Variants in SLC16A7 observed in about 807,000 individuals in gnomAD.
SLC16A7 encodes the protein solute carrier family 16 member 7, also known as monocarboxylate transporter 2.
SLC16A7 carries 33 observed loss-of-function variants against 34.9 expected under a neutral mutation model. That is an observed-to-expected ratio of 0.94 (90% CI 0.72 to 1.26). SLC16A7 has a LOEUF of 1.26. Ranked by LOEUF, SLC16A7 falls within the 50% of genes most tolerant of loss-of-function variation. The pLI, the probability that SLC16A7 is intolerant of heterozygous loss-of-function variation, is 0.00. For missense variants in SLC16A7, 573 were observed against 578.1 expected (o/e 0.99, Z 0.09); for synonymous variants, 201 against 206.6 (o/e 0.97, Z 0.23).
chr12:59,726,714 G>C (rs1407616710), intron 3 of SLC16A7, among the ~76,000 whole-genome samples: 3 of 152,116 alleles, frequency 2.0e-5, no homozygotes, highest in Non-Finnish European at 4.4e-5. Flanking sequence ...GGCTGTCAGA[G>C]ATGCTGGCTG....
chr12:59,709,073 A>T (rs900588053), intron 3 of SLC16A7, among the ~76,000 whole-genome samples: 1 of 151,680 alleles, frequency 6.6e-6, no homozygotes, highest in African/African-American at 2.4e-5. Flanking sequence ...TTTTGTAAAT[A>T]GTGATTACAT....
At chr12:59,698,378 A>G (rs532343254) in intron 2 of SLC16A7, among the ~76,000 whole-genome samples, 41 of 151,902 alleles carry the variant, frequency 2.7e-4, no homozygotes, top group African/African-American at 9.1e-4. Flanking sequence ...CATTGAATAT[A>G]CATATATACA....
chr12:59,697,423 G>T (rs1214422088), intron 2 of SLC16A7, among the ~76,000 whole-genome samples: 2 of 151,954 alleles, frequency 1.3e-5, no homozygotes, highest in African/African-American at 4.8e-5. Flanking sequence ...GTGAGTTTGA[G>T]ATAGAAAAAT....
chr12:59,688,945 T>A (rs1189114133), intron 2 of SLC16A7, among the ~76,000 whole-genome samples: 1 of 151,974 alleles, frequency 6.6e-6, no homozygotes, highest in Non-Finnish European at 1.5e-5. Flanking sequence ...GCCATTATAG[T>A]GGTATTATAT....
chr12:59,692,724 G>A (rs553668523), intron 2 of SLC16A7, among the ~76,000 whole-genome samples: 5 of 151,970 alleles, frequency 3.3e-5, no homozygotes, highest in South Asian at 2.1e-4. Flanking sequence ...TTTAACCACC[G>A]CAATAGTGTA....
chr12:59,674,998 T>G (rs1454946414), intron 2 of SLC16A7, among the ~76,000 whole-genome samples: 1 of 152,132 alleles, frequency 6.6e-6, no homozygotes, highest in Non-Finnish European at 1.5e-5. Flanking sequence ...AGCTCTCAGG[T>G]CATCTTACCC....
intron 2 of SLC16A7, among the ~76,000 whole-genome samples, chr12:59,704,432 G>A (rs957503882): frequency 6.6e-6 from 1 of 152,038 alleles, no homozygotes; most frequent in South Asian, 2.1e-4. Flanking sequence ...GGTGATTGAA[G>A]TAGAATATGT....
chr12:59,769,969 C>T (rs1390096763), intron 3 of SLC16A7, among the ~76,000 whole-genome samples: 2 of 151,868 alleles, frequency 1.3e-5, no homozygotes, highest in Admixed American at 6.6e-5. Flanking sequence ...TGACAAGTCC[C>T]ATAAAGTACT....
Position 59,789,294 on chromosome 12 carries a change from AAAGT to A in SLC16A7, c.*9619_*9622del, listed in dbSNP as rs1337418806. 3 of 152,162 alleles carry A rather than the reference AAAGT, an allele frequency of 2.0e-5. No individual in the cohort carries two copies. The highest frequency in any genetic ancestry group is 7.2e-5 in the African/African-American group (3 of 41,470). 9.4% of individuals were successfully genotyped at this position (152,162 alleles called of 1,614,324 possible). On this transcript the variant is annotated 3_prime_UTR_variant, in exon 6 of 6. Transcript: ENST00000547379. Reference sequence around the variant, plus strand: ...TACAGTAATTCTCTGGCTAATTTTAAAAGTAAGACATAGAAAACAAAACACCTGT... The same window carrying A: ...TACAGTAATTCTCTGGCTAATTTTAAAAGACATAGAAAACAAAACACCTGT...
chr12:59,684,010 G>T (rs1041942325), intron 2 of SLC16A7, among the ~76,000 whole-genome samples: 1 of 152,154 alleles, frequency 6.6e-6, no homozygotes, highest in Non-Finnish European at 1.5e-5. Flanking sequence ...TATTCAGTCA[G>T]AATTTATTAA....
chr12:59,713,157 T>G (rs565454933), intron 3 of SLC16A7, among the ~76,000 whole-genome samples: 25 of 152,116 alleles, frequency 1.6e-4, no homozygotes, highest in African/African-American at 5.3e-4. Flanking sequence ...GTAGCTGGGA[T>G]TACAGGCACC....
At chr12:59,624,738 T>C (rs894972654) in intron 1 of SLC16A7, among the ~76,000 whole-genome samples, 1 of 145,284 alleles carries the variant, frequency 6.9e-6, no homozygotes, top group African/African-American at 2.5e-5. Flanking sequence ...GCATTGTTAG[T>C]TGTGTGTGTG....
chr12:59,716,524 G>T (rs1478035044), intron 3 of SLC16A7, among the ~76,000 whole-genome samples: 6 of 152,270 alleles, frequency 3.9e-5, no homozygotes, highest in African/African-American at 1.4e-4. Context: ...ATAATCCTGA[G>T]TTCATGTATA....
At position 59,704,764 on chromosome 12, in the gene SLC16A7, T is replaced by C; in HGVS notation, c.-30-8T>C. On this transcript the variant is annotated splice_polypyrimidine_tract_variant and splice_region_variant and intron_variant, in intron 2 of 5. Transcript: ENST00000547379. ...AATTTAAACTGTTATTTCATTATTT[T>C]AATATAGGTTACTTGAATTTCCACT... The C allele has an allele frequency of 7.2e-7, 1 of 1,381,834 alleles. No individual in the cohort carries two copies. Among genetic ancestry groups the C allele is most frequent in the Non-Finnish European group, 1.0e-6 (1 of 983,792 alleles). 85.6% of individuals were successfully genotyped at this position (1,381,834 alleles called of 1,614,324 possible). A position where few individuals can be genotyped will look rare whatever the true frequency, so the allele number is the denominator to read the frequency against.
At chr12:59,624,660 T>C (rs187320913) in intron 1 of SLC16A7, among the ~76,000 whole-genome samples, 46 of 151,834 alleles carry the variant, frequency 3.0e-4, no homozygotes, top group Admixed American at 6.6e-4. Context: ...CTATTGGTCA[T>C]TAATCTGCAG....
intron 3 of SLC16A7, among the ~76,000 whole-genome samples, chr12:59,762,443 G>T (rs1285476930): frequency 6.6e-6 from 1 of 152,056 alleles, no homozygotes; most frequent in Non-Finnish European, 1.5e-5. Context: ...ATTCTGAAAA[G>T]CTGTGCTGTT....
chr12:59,747,591 C>A (rs996528432), intron 3 of SLC16A7, among the ~76,000 whole-genome samples: 7 of 152,160 alleles, frequency 4.6e-5, no homozygotes, highest in African/African-American at 1.7e-4. Flanking sequence ...ACATAGGAGG[C>A]ACCATAAGTG....
intron 3 of SLC16A7, among the ~76,000 whole-genome samples, chr12:59,711,862 A>G (rs1333288817): frequency 6.6e-6 from 1 of 152,216 alleles, no homozygotes; most frequent in Non-Finnish European, 1.5e-5. Context: ...TATGGAAGGT[A>G]CTGGGATCTC....
At chr12:59,766,925 C>T (rs1346513555) in intron 3 of SLC16A7, among the ~76,000 whole-genome samples, 1 of 151,978 alleles carries the variant, frequency 6.6e-6, no homozygotes, top group Non-Finnish European at 1.5e-5. Flanking sequence ...CCTCCTTGTA[C>T]CTCTGGTAGA....
Sources: gnomAD v4.1 joint callset for allele counts (sites outside exome capture counted in the v4.1 genomes callset) on GRCh38, gnomAD v4.1.1 for gene constraint, MANE v1.5 for transcripts, NCBI Gene and HGNC (gene_info 2026-07-23, HGNC 2026-07-21) for gene names.